Variants in ZNF496 observed in about 807,000 individuals in gnomAD.
ZNF496 encodes the protein NSD1 (nuclear receptor binding SET-domain containing 1)-interacting zinc finger protein 1.
ZNF496 carries 11 observed loss-of-function variants against 58.9 expected under a neutral mutation model. The ratio of observed to expected loss-of-function variants is 0.19; its 90% CI spans 0.12 to 0.31. The LOEUF (loss-of-function observed/expected upper bound fraction) is 0.31, where lower values mean the gene tolerates loss of function less well. Among genes scored for constraint, ZNF496 ranks in the 10% least tolerant of loss-of-function variants. The pLI is 1.00. For synonymous variants in ZNF496, 338 were observed against 318.2 expected, an observed-to-expected ratio of 1.06 and a Z score of -0.66; for missense variants, 660 against 783.0, an observed-to-expected ratio of 0.84 and a Z score of 1.88.
At chr1:247,305,270 G>A (rs9426181) in intron 9 of ZNF496, among the ~76,000 whole-genome samples, 52,127 of 151,894 alleles carry the variant, frequency 0.34, 9,674 homozygotes, top group East Asian at 0.52. Context: ...GCTAGACTCC[G>A]TCTGAAAAAA....
chr1:247,308,888 C>A lies in ZNF496; in HGVS notation c.893-300G>T, dbSNP rs191390124. 57 of 376,974 alleles carry A rather than the reference C, an allele frequency of 1.5e-4. No homozygotes were observed. In the East Asian group the frequency reaches 3.5e-3, roughly 23 times the overall value. 23.4% of individuals were successfully genotyped at this position (376,974 alleles called of 1,614,324 possible). The stretch of plus-strand genomic sequence containing the variant: ...TCCCCCAGCCCCATATTTATTCCCA[C>A]TTTCTGTGGTGGGTTTTCTATAGTC... On this transcript the variant is annotated intron_variant, in intron 8 of 9. Coordinates refer to ENST00000682384, the MANE Select transcript of ZNF496 (RefSeq NM_032752.3). The surrounding 1 kb of genome is among the most constrained non-coding windows in gnomAD (Gnocchi z 4.5).
chr1:247,329,224 C>A lies in ZNF496; in HGVS notation c.355G>T (p.Ala119Ser). The A allele has an allele frequency of 6.2e-7, 1 of 1,613,580 alleles. No individual in the cohort carries two copies. The highest frequency in any genetic ancestry group is 2.2e-5 in the East Asian group (1 of 44,880). Residue 119 changes from alanine to serine, a missense_variant, in exon 4 of 10, where the codon GCA (alanine) becomes TCA (serine). Physicochemically the swap from Ala to Ser is moderately conservative, Grantham distance 99. Coordinates refer to ENST00000682384, the MANE Select transcript of ZNF496 (RefSeq NM_032752.3). The surrounding 1 kb of genome is among the most constrained non-coding windows in gnomAD (Gnocchi z 5.5). The part of the protein sequence containing the change: ...SGEQAVAAVE[A>S]LEREPGRPWQ... ...GGTCTCCCGGGCTCCCGTTCCAGTG[C>A]CTCCACCGCGGCCACAGCCTGCTCT...
rs146673814 is a variant in ZNF496 at position 247,320,457 on chromosome 1, G to A, written c.651+2697C>T. 1.6e-3 allele frequency among the ~76,000 whole-genome samples: 239 copies of A among 152,352 alleles called. 1 individual carries two copies. The highest frequency in any genetic ancestry group is 3.5e-3 in the African/African-American group (147 of 41,592). Reference sequence around the variant, plus strand: ...CACAGAGCTGAAAAACAGATCAGTGGTTGCCAGAGGCTGAAGAGAGGGTGA... The same window carrying A: ...CACAGAGCTGAAAAACAGATCAGTGATTGCCAGAGGCTGAAGAGAGGGTGA... On this transcript the variant is annotated intron_variant, in intron 6 of 9. Coordinates refer to ENST00000682384, the MANE Select transcript of ZNF496 (RefSeq NM_032752.3).
At chr1:247,324,171 G>A (rs1009025762) in intron 5 of ZNF496, among the ~76,000 whole-genome samples, 3 of 151,646 alleles carry the variant, frequency 2.0e-5, no homozygotes, top group Non-Finnish European at 2.9e-5. Context: ...CATTTTTGAC[G>A]ACATGAATGA....
At chr1:247,326,536 C>T (rs1660133399) in intron 5 of ZNF496, among the ~76,000 whole-genome samples, 1 of 152,112 alleles carries the variant, frequency 6.6e-6, no homozygotes, top group African/African-American at 2.4e-5. Flanking sequence ...CATGCCTTCC[C>T]AGACCCCACT....
intron 6 of ZNF496, among the ~76,000 whole-genome samples, chr1:247,320,045 G>T (rs1659911902): frequency 6.6e-6 from 1 of 152,150 alleles, no homozygotes; most frequent in Non-Finnish European, 1.5e-5. Flanking sequence ...TCAAAAGAAA[G>T]AAGAAAAGCT....
At position 247,309,240 on chromosome 1, in the gene ZNF496, A is replaced by G; in HGVS notation, c.892+459T>C. Reference sequence around the variant, plus strand: ...CTGGAAACTGCTGCTGCTGAGCCCCAGCACCTCCCCACACCCCAGTGTCCT... The same window carrying G: ...CTGGAAACTGCTGCTGCTGAGCCCCGGCACCTCCCCACACCCCAGTGTCCT... On this transcript the variant is annotated intron_variant, in intron 8 of 9. Coordinates refer to ENST00000682384, the MANE Select transcript of ZNF496 (RefSeq NM_032752.3). The surrounding 1 kb of genome is among the most constrained non-coding windows in gnomAD (Gnocchi z 4.3). 3.3e-6 allele frequency: 1 copy of G among 305,842 alleles called. No individual in the cohort carries two copies. The highest frequency in any genetic ancestry group is 4.9e-6 in the Non-Finnish European group (1 of 203,002). 18.9% of individuals were successfully genotyped at this position (305,842 alleles called of 1,614,324 possible). A position where few individuals can be genotyped will look rare whatever the true frequency, so the allele number is the denominator to read the frequency against.
intron 5 of ZNF496, among the ~76,000 whole-genome samples, chr1:247,324,328 G>A (rs908461539): frequency 6.6e-6 from 1 of 152,124 alleles, no homozygotes. Context: ...AGGGGACTGG[G>A]GAGACATTGG....
intron 7 of ZNF496, chr1:247,310,008 T>C: frequency 7.1e-7 from 1 of 1,407,748 alleles, no homozygotes; most frequent in South Asian, 1.5e-5. Flanking sequence ...GGGGTCTCTC[T>C]GAGGCTTTCG....
At chr1:247,327,770 A>G (rs1660183587) in intron 5 of ZNF496, among the ~76,000 whole-genome samples, 1 of 79,422 alleles carries the variant, frequency 1.3e-5, no homozygotes, top group Non-Finnish European at 2.7e-5. Flanking sequence ...CATTGTACCT[A>G]TAGAGCACTA....
intron 6 of ZNF496, among the ~76,000 whole-genome samples, chr1:247,319,818 G>A (rs1284714952): frequency 6.6e-6 from 1 of 152,116 alleles, no homozygotes; most frequent in Non-Finnish European, 1.5e-5. Context: ...AGCTACTCGG[G>A]AAGCTGAGGC....
At chr1:247,316,666 T>G (rs1659791000) in intron 6 of ZNF496, among the ~76,000 whole-genome samples, 1 of 152,122 alleles carries the variant, frequency 6.6e-6, no homozygotes, top group South Asian at 2.1e-4. Flanking sequence ...AATTACAGTT[T>G]CAGGTATTCT....
chr1:247,330,314 C>G (rs1395491559), intron 2 of ZNF496, among the ~76,000 whole-genome samples: 1 of 152,214 alleles, frequency 6.6e-6, no homozygotes, highest in African/African-American at 2.4e-5. Flanking sequence ...TCAGTGGTTT[C>G]CTATGAGCCT....
intron 2 of ZNF496, among the ~76,000 whole-genome samples, chr1:247,330,861 A>T (rs935646777): frequency 7.2e-5 from 11 of 152,262 alleles, no homozygotes; most frequent in Admixed American, 5.2e-4. Context: ...AAAGCTACGG[A>T]ACAACTGAGT....
At chr1:247,301,334 T>A in intron 9 of ZNF496, 58 bp from the exon 10 acceptor site, 1 of 1,476,032 alleles carries the variant, frequency 6.8e-7, no homozygotes, top group Middle Eastern at 1.8e-4. Flanking sequence ...CCAGCCCCTA[T>A]GACCGCGGCG....
chr1:247,327,644 C>A (rs1330518876), intron 5 of ZNF496, among the ~76,000 whole-genome samples: 1 of 152,234 alleles, frequency 6.6e-6, no homozygotes, highest in East Asian at 1.9e-4. Flanking sequence ...AGTTTTTCCA[C>A]ACACAGAAAT....
rs11809277 is a variant in ZNF496, at chr1:247,322,771, C to G, written c.651+383G>C. The G allele has an allele frequency of 4.3e-3, 5,627 of 1,294,018 alleles. 190 individuals are homozygous for G. In the African/African-American group the frequency reaches 0.073, roughly 17 times the overall value. The allele number at this position is 1,294,018 out of a possible 1,614,324, so 80.2% of individuals were successfully genotyped here. On this transcript the variant is annotated intron_variant, in intron 6 of 9. Transcript: ENST00000682384. Reference sequence around the variant, plus strand: ...ACTTCCTAACATTTCTAAAATATAACCATTGCTGCGATGATTATTAAATTG... The same window carrying G: ...ACTTCCTAACATTTCTAAAATATAAGCATTGCTGCGATGATTATTAAATTG...
At position 247,298,708 on chromosome 1, in the gene ZNF496, T is replaced by C. The variant is rs1370337528; in HGVS notation, c.*1811A>G. 1.3e-5 allele frequency: 2 copies of C among 152,240 alleles called. No homozygotes were observed. Among genetic ancestry groups the C allele is most frequent in the Non-Finnish European group, 2.9e-5 (2 of 68,050 alleles). The allele number at this position is 152,240 out of a possible 1,614,324, so 9.4% of individuals were successfully genotyped here. ...CTGTTGGTAGGATGTGACATATGAA[T>C]AATACAAAATACCCGTCTGGTTTGA... is the stretch of plus-strand genomic sequence containing the variant. On this transcript the variant is annotated 3_prime_UTR_variant, in exon 10 of 10. Transcript: ENST00000682384.
Position 247,318,147 on chromosome 1 carries a change from A to G in ZNF496, c.651+5007T>C, listed in dbSNP as rs76749657. Among the ~76,000 whole-genome samples the G allele has an allele frequency of 7.0e-3, 1,074 of 152,368 alleles. 14 individuals carry two copies. The highest frequency in any genetic ancestry group is 0.024 in the African/African-American group (994 of 41,584). The stretch of plus-strand genomic sequence containing the variant: ...AGGGGACAGAAGAAAGACTCAGTCA[A>G]CTTGAAGACGGAAAAATAAAGTTAT... On this transcript the variant is annotated intron_variant, in intron 6 of 9. Coordinates refer to ENST00000682384, the MANE Select transcript of ZNF496 (RefSeq NM_032752.3).
Sources: gnomAD v4.1 joint callset for allele counts (sites outside exome capture counted in the v4.1 genomes callset) on GRCh38, gnomAD v4.1.1 for gene constraint, Gnocchi (gnomAD v3.1) non-coding constraint, MANE v1.5 for transcripts, NCBI Gene and HGNC (gene_info 2026-07-23, HGNC 2026-07-21) for gene names.